CRB1: variants seen among roughly 807,000 people sequenced by gnomAD.
CRB1 encodes protein crumbs homolog 1.
CRB1 carries 83 observed loss-of-function variants against 120.0 expected under a neutral mutation model. That is an observed-to-expected ratio of 0.69 (90% CI 0.58 to 0.83). CRB1 has a LOEUF of 0.83. CRB1 is among the 40% of genes least tolerant of loss of function. CRB1 has a pLI of 0.00. For missense variants in CRB1, 1,699 were observed against 1,687.6 expected (o/e 1.01, Z -0.12); for synonymous variants, 625 against 612.5 (o/e 1.02, Z -0.30).
intron 2 of CRB1, among the ~76,000 whole-genome samples, chr1:197,339,553 G>T (rs996804177): frequency 6.6e-6 from 1 of 152,136 alleles, no homozygotes; most frequent in Non-Finnish European, 1.5e-5. Flanking sequence ...TTTCCAAAGC[G>T]TGGACTCTGC....
intron 1 of CRB1, among the ~76,000 whole-genome samples, chr1:197,285,265 T>G (rs1409055737): frequency 6.6e-6 from 1 of 151,908 alleles, no homozygotes; most frequent in African/African-American, 2.4e-5. Context: ...TAAACTATTT[T>G]TTATAATAAA....
chr1:197,357,117 C>A, intron 5 of CRB1, 104 bp downstream of exon 5: 2 of 1,193,964 alleles, frequency 1.7e-6, no homozygotes, highest in Middle Eastern at 1.9e-4. Flanking sequence ...ACTGTGTAAA[C>A]TCTGCTGCTG....
chr1:197,431,877 T>C (rs1026125519), intron 8 of CRB1, among the ~76,000 whole-genome samples: 3 of 152,182 alleles, frequency 2.0e-5, no homozygotes, highest in East Asian at 3.8e-4. Flanking sequence ...AACCCAGAAT[T>C]CACTTTTACT....
chr1:197,334,432 T>C (rs1659031907), intron 2 of CRB1, among the ~76,000 whole-genome samples: 2 of 152,284 alleles, frequency 1.3e-5, no homozygotes, highest in African/African-American at 4.8e-5. Flanking sequence ...AGGAGGTATT[T>C]AGGCCATGAG....
rs1006111259 is a variant in CRB1 at position 197,363,754 on chromosome 1, C to A, written c.1171+6741C>A. 14 of 594,750 alleles carry A rather than the reference C, an allele frequency of 2.4e-5. 1 individual carries two copies. The highest frequency in any genetic ancestry group is 1.3e-4 in the South Asian group (7 of 53,014). 36.8% of individuals were successfully genotyped at this position (594,750 alleles called of 1,614,324 possible). A position where few individuals can be genotyped will look rare whatever the true frequency, so the allele number is the denominator to read the frequency against. Reference sequence around the variant, plus strand: ...CTGTGGTGCCTCCTTGCCATCCCTGCCCTTTCCATGCCTGGCAACGGGTCT... The same window carrying A: ...CTGTGGTGCCTCCTTGCCATCCCTGACCTTTCCATGCCTGGCAACGGGTCT... On this transcript the variant is annotated intron_variant, in intron 5 of 11. Transcript: ENST00000367400.
chr1:197,427,647 G>C lies in CRB1; in HGVS notation c.2322G>C (p.Met774Ile). The C allele has an allele frequency of 6.2e-7, 1 of 1,613,896 alleles. No individual in the cohort carries two copies. Among genetic ancestry groups the C allele is most frequent in the Non-Finnish European group, 8.5e-7 (1 of 1,179,940 alleles). ...RVWLERGRLA[M>I]LTPNSPKLVV... Reference sequence around the variant, plus strand: ...GGCTAGAGCGCGGCAGACTAGCAATGCTGACTCCAAACTCTCCCAAATTAG... The same window carrying C: ...GGCTAGAGCGCGGCAGACTAGCAATCCTGACTCCAAACTCTCCCAAATTAG... Residue 774 changes from methionine to isoleucine, a missense_variant, in exon 7 of 12, where the codon ATG becomes ATC. By Grantham distance (10) the Met-to-Ile change is conservative. Coordinates refer to ENST00000367400, the MANE Select transcript of CRB1 (RefSeq NM_201253.3).
chr1:197,260,240 AG>A, the CRB1 span, among the ~76,000 whole-genome samples: 3 of 152,140 alleles, frequency 2.0e-5, no homozygotes, highest in African/African-American at 7.2e-5. Flanking sequence ...TATTGGCAAA[AG>A]AATCACAAAG....
chr1:197,389,307 G>T (rs1662374308), intron 5 of CRB1, among the ~76,000 whole-genome samples: 1 of 152,018 alleles, frequency 6.6e-6, no homozygotes, highest in Non-Finnish European at 1.5e-5. Flanking sequence ...GATATATATG[G>T]TATGAATACT....
intron 1 of CRB1, among the ~76,000 whole-genome samples, chr1:197,320,605 GAGAA>G (rs1442950719): frequency 2.0e-5 from 3 of 152,132 alleles, no homozygotes; most frequent in African/African-American, 4.8e-5. Flanking sequence ...AATTTTTCAA[GAGAA>G]AGAAAGATGG....
chr1:197,423,658 C>T (rs924498600), intron 6 of CRB1, among the ~76,000 whole-genome samples: 7 of 152,092 alleles, frequency 4.6e-5, no homozygotes, highest in African/African-American at 1.4e-4. Context: ...TGTACATATA[C>T]GTGCAAGAGG....
chr1:197,450,976 A>G lies in CRB1; in HGVS notation c.4005+8684A>G, dbSNP rs1183066546. On this transcript the variant is annotated intron_variant, in intron 11 of 11. Coordinates refer to ENST00000367400, the MANE Select transcript of CRB1 (RefSeq NM_201253.3). Reference sequence around the variant, plus strand: ...CCGTCCCAAAAAAAAAAAAAAAAAAAAAAAAGAAAGCATAAATAAGACAAA... The same window carrying G: ...CCGTCCCAAAAAAAAAAAAAAAAAAGAAAAAGAAAGCATAAATAAGACAAA... Among the ~76,000 whole-genome samples, 3 of 150,624 alleles carry G rather than the reference A, an allele frequency of 2.0e-5. No homozygotes were observed. In the South Asian group the frequency reaches 6.2e-4, roughly 31 times the overall value.
intron 1 of CRB1, among the ~76,000 whole-genome samples, chr1:197,278,790 A>T (rs1212642877): frequency 6.6e-6 from 1 of 151,938 alleles, no homozygotes; most frequent in East Asian, 1.9e-4. Context: ...AATTTAAAAG[A>T]CTTGACAAAA....
intron 5 of CRB1, among the ~76,000 whole-genome samples, chr1:197,394,174 C>T (rs553788633): frequency 2.6e-5 from 4 of 152,170 alleles, no homozygotes; most frequent in Non-Finnish European, 4.4e-5. Context: ...CTTCCACTTC[C>T]TCTGTAGCCT....
At chr1:197,217,432 A>G in the CRB1 span, among the ~76,000 whole-genome samples, 4 of 152,334 alleles carry the variant, frequency 2.6e-5, no homozygotes, top group Admixed American at 2.6e-4. Context: ...ATGTCCATCA[A>G]CTGATGAACG....
chr1:197,387,779 G>A (rs1662292842), intron 5 of CRB1, among the ~76,000 whole-genome samples: 1 of 151,658 alleles, frequency 6.6e-6, no homozygotes, highest in African/African-American at 2.4e-5. Flanking sequence ...AAGAATACAA[G>A]TTTATTAAAG....
the CRB1 span, among the ~76,000 whole-genome samples, chr1:197,213,559 C>G: frequency 3.3e-5 from 5 of 152,114 alleles, no homozygotes; most frequent in Non-Finnish European, 4.4e-5. Flanking sequence ...TAAAAGTATA[C>G]CAGAAATCAA....
At chr1:197,462,888 C>CTTTTTTTTT (rs66833712) in intron 11 of CRB1, among the ~76,000 whole-genome samples, 1 of 147,596 alleles carries the variant, frequency 6.8e-6, no homozygotes. Flanking sequence ...CAATGCAGAT[C>CTTTTTTTTT]TTTTTTTTTT....
chr1:197,391,520 A>G (rs1662504480), intron 5 of CRB1, among the ~76,000 whole-genome samples: 1 of 152,142 alleles, frequency 6.6e-6, no homozygotes, highest in Non-Finnish European at 1.5e-5. Flanking sequence ...AGAAGTTCAA[A>G]TGGAAAAAAA....
chr1:197,397,877 T>C (rs1050313058), intron 5 of CRB1, among the ~76,000 whole-genome samples: 4 of 152,114 alleles, frequency 2.6e-5, no homozygotes, highest in Admixed American at 2.0e-4. Flanking sequence ...TACAGCTCGA[T>C]TGTGGTGGTA....
Sources: gnomAD v4.1 joint callset for allele counts (sites outside exome capture counted in the v4.1 genomes callset) on GRCh38, gnomAD v4.1.1 for gene constraint, MANE v1.5 for transcripts, NCBI Gene and HGNC (gene_info 2026-07-23, HGNC 2026-07-21) for gene names.